Variants in PHF21A observed in about 807,000 individuals in gnomAD.
PHF21A encodes the protein BHC80a.
A neutral mutation model predicts 82.5 loss-of-function variants in PHF21A; 11 were observed. That is an observed-to-expected ratio of 0.13 (90% CI 0.08 to 0.22). PHF21A has a LOEUF of 0.22. Among genes scored for constraint, PHF21A ranks in the 10% least tolerant of loss-of-function variants. The pLI, the probability that PHF21A is intolerant of heterozygous loss-of-function variation, is 1.00. For missense variants in PHF21A, 579 were observed against 837.8 expected (o/e 0.69, Z 3.81); for synonymous variants, 297 against 302.8 (o/e 0.98, Z 0.20).
intron 6 of PHF21A, among the ~76,000 whole-genome samples, chr11:46,018,922 T>C (rs2137733435): frequency 6.6e-6 from 1 of 152,288 alleles, no homozygotes; most frequent in East Asian, 1.9e-4. Flanking sequence ...TGCAAGACTT[T>C]TTATGACAAA....
chr11:46,119,725 A>G (rs1852482735), intron 1 of PHF21A: 1 of 141,548 alleles, frequency 7.1e-6, no homozygotes, highest in African/African-American at 2.6e-5. Context: ...GCTACCCACC[A>G]TCGCGAACGT....
Position 45,938,159 on chromosome 11 carries a change from G to T in PHF21A, c.1606C>A (p.Gln536Lys), listed in dbSNP as rs746430461. The T allele has an allele frequency of 3.1e-6, 5 of 1,590,484 alleles. No individual in the cohort carries two copies. Among genetic ancestry groups the T allele is most frequent in the Non-Finnish European group, 4.3e-6 (5 of 1,166,824 alleles). ...CCTGTTGGACCCACCCACAGTACCT[G>T]GTCCTGACATCTGGGACAGATCCAC... ...GMWICPRCQD[Q>K]MLKKEEAIPW... Residue 536 changes from glutamine (Q) to lysine (K), a missense_variant and splice_region_variant, in exon 16 of 19, where the codon CAG becomes AAG. Physicochemically the swap from Gln to Lys is moderately conservative, Grantham distance 53. This residue lies in a region of PHF21A where 410 missense variants were observed against 642.1 expected (regional missense o/e 0.64). Coordinates refer to ENST00000676320, the MANE Select transcript of PHF21A (RefSeq NM_001352027.3).
intron 6 of PHF21A, among the ~76,000 whole-genome samples, chr11:46,039,456 G>A (rs182807079): frequency 1.4e-4 from 22 of 152,304 alleles, no homozygotes; most frequent in African/African-American, 5.3e-4. Context: ...CCTGAGAATA[G>A]TCAGGTAAGT....
chr11:45,946,835 C>A (rs751790364), intron 14 of PHF21A, among the ~76,000 whole-genome samples: 3 of 152,114 alleles, frequency 2.0e-5, no homozygotes, highest in East Asian at 1.9e-4. Flanking sequence ...GGGTGGAGAC[C>A]GGCAAAGCAA....
rs541687895 is a variant in PHF21A, at chr11:45,966,979, T to C, written c.703-1371A>G. On this transcript the variant is annotated intron_variant, in intron 9 of 18. Transcript: ENST00000676320. ...CTGTGGGCAAAACGCTTTCCCCTTATGCATGAAGCTTGACCTTCAATTAAC... is the reference window on the plus strand; with the variant it reads ...CTGTGGGCAAAACGCTTTCCCCTTACGCATGAAGCTTGACCTTCAATTAAC... Among the ~76,000 whole-genome samples, 15 of 152,226 alleles carry C rather than the reference T, an allele frequency of 9.9e-5. No individual in the cohort carries two copies. In the South Asian group the frequency reaches 2.7e-3, roughly 27 times the overall value.
At chr11:46,037,806 T>C (rs1020302539) in intron 6 of PHF21A, among the ~76,000 whole-genome samples, 1 of 152,090 alleles carries the variant, frequency 6.6e-6, no homozygotes, top group Non-Finnish European at 1.5e-5. Context: ...TGAATCTTTT[T>C]TTTCCTCCAA....
chr11:46,024,686 A>C (rs918718232), intron 6 of PHF21A, among the ~76,000 whole-genome samples: 1 of 152,152 alleles, frequency 6.6e-6, no homozygotes, highest in Non-Finnish European at 1.5e-5. Context: ...CTATAATCCC[A>C]GTACTCAGGA....
rs545818066 is a variant in PHF21A at position 45,973,517 on chromosome 11, C to A, written c.361-2150G>T. Among the ~76,000 whole-genome samples the A allele has an allele frequency of 2.6e-5, 4 of 152,270 alleles. No individual in the cohort carries two copies. In the South Asian group the frequency reaches 8.3e-4, roughly 32 times the overall value. On this transcript the variant is annotated intron_variant, in intron 7 of 18. Transcript: ENST00000676320. ...AAGTGGCTTATTCTCTTTGCCATTG[C>A]CTCCTTAAATGTGAAATGAGAGTAA...
Position 45,945,901 on chromosome 11 carries a change from G to T in PHF21A, c.1391C>A (p.Thr464Asn), listed in dbSNP as rs758845514. 11 of 1,612,284 alleles carry T rather than the reference G, an allele frequency of 6.8e-6. No individual in the cohort carries two copies. Among genetic ancestry groups the T allele is most frequent in the Non-Finnish European group, 9.3e-6 (11 of 1,179,284 alleles). Residue 464 changes from threonine to asparagine, a missense_variant, in exon 15 of 19, where the codon ACC (threonine) becomes AAC (asparagine). Thr to Asn is a moderately conservative substitution (Grantham distance 65). Around this residue, in one of 3 missense-constraint regions of PHF21A, gnomAD observed 410 missense variants for 642.1 expected, o/e 0.64. Transcript: ENST00000676320. Reference sequence around the variant, plus strand: ...AACAGGTGCAGGGAAAGTGAATGTGGTCTCTGTCTTTTCATTTTCAGGGGA... The same window carrying T: ...AACAGGTGCAGGGAAAGTGAATGTGTTCTCTGTCTTTTCATTTTCAGGGGA... ...PDSPENEKTE[T>N]TFTFPAPVQP... is the part of the protein sequence containing the mutation.
chr11:46,101,526 A>G (rs1337172688), intron 1 of PHF21A, among the ~76,000 whole-genome samples: 2 of 152,230 alleles, frequency 1.3e-5, no homozygotes, highest in African/African-American at 4.8e-5. Context: ...TTAAATTTCC[A>G]TAAGAAGAAG....
At chr11:46,041,759 A>G (rs1392074480) in intron 6 of PHF21A, among the ~76,000 whole-genome samples, 1 of 152,192 alleles carries the variant, frequency 6.6e-6, no homozygotes, top group African/African-American at 2.4e-5. Context: ...TAAATCAGAT[A>G]CCTATATACC....
chr11:46,044,069 TACATTTGAGAAG>T (rs1336480409), intron 6 of PHF21A, among the ~76,000 whole-genome samples: 1 of 152,180 alleles, frequency 6.6e-6, no homozygotes. Context: ...AGAGGAGTAC[TACATTTGAGAAG>T]ATGGTAAACT....
At chr11:46,105,866 T>C (rs1263931117) in intron 1 of PHF21A, among the ~76,000 whole-genome samples, 2 of 152,210 alleles carry the variant, frequency 1.3e-5, no homozygotes, top group Non-Finnish European at 2.9e-5. Flanking sequence ...GATAGGTGTA[T>C]TTAAAACAAA....
chr11:45,948,170 A>G (rs2091566986), intron 14 of PHF21A, among the ~76,000 whole-genome samples: 1 of 152,268 alleles, frequency 6.6e-6, no homozygotes, highest in South Asian at 2.1e-4. Context: ...GAAAAATTTC[A>G]GTACCTTGTT....
intron 6 of PHF21A, among the ~76,000 whole-genome samples, chr11:46,049,893 C>A (rs1005903403): frequency 6.6e-6 from 1 of 152,150 alleles, no homozygotes; most frequent in Non-Finnish European, 1.5e-5. Context: ...GCAACAGAAT[C>A]AAGAGATTAA....
intron 7 of PHF21A, among the ~76,000 whole-genome samples, chr11:45,977,907 CA>C (rs1591513036): frequency 6.6e-6 from 1 of 150,980 alleles, no homozygotes; most frequent in Non-Finnish European, 1.5e-5. Flanking sequence ...ATTTTTCAGC[CA>C]GAACATCTAG....
intron 6 of PHF21A, among the ~76,000 whole-genome samples, chr11:45,998,524 T>C (rs1365662744): frequency 6.6e-6 from 1 of 152,180 alleles, no homozygotes; most frequent in Non-Finnish European, 1.5e-5. Context: ...TTTTCTTTTT[T>C]TTTTTTAAAC....
chr11:46,032,811 G>C (rs868432669), intron 6 of PHF21A, among the ~76,000 whole-genome samples: 5 of 151,868 alleles, frequency 3.3e-5, no homozygotes, highest in African/African-American at 1.2e-4. Context: ...ACTGAGCATC[G>C]CTTCATATTT....
chr11:46,110,056 A>C (rs2097195063), intron 1 of PHF21A, among the ~76,000 whole-genome samples: 1 of 152,018 alleles, frequency 6.6e-6, no homozygotes, highest in Non-Finnish European at 1.5e-5. Context: ...CTCATTATTT[A>C]AAATTGTATA....
Sources: allele counts gnomAD v4.1 joint callset (sites outside exome capture counted in the v4.1 genomes callset), GRCh38; gene constraint gnomAD v4.1.1; regional missense constraint gnomAD v4.1.1; transcripts MANE v1.5; gene names NCBI Gene and HGNC (gene_info 2026-07-23, HGNC 2026-07-21).